The following WWOX variants were observed in gnomAD, a reference collection of about 807,000 sequenced individuals.
The protein encoded by WWOX is WW domain containing oxidoreductase, also known as WW domain-containing oxidoreductase.
In WWOX, 69 loss-of-function variants were observed where a neutral mutation model predicts 46.2. The observed-to-expected ratio is 1.49, with a 90% CI of 1.23 to 1.82. WWOX has a LOEUF of 1.82. Among genes scored for constraint, WWOX ranks in the 40% most tolerant of loss-of-function variants. The probability of loss-of-function intolerance (pLI) is 0.00; values close to 1 mark genes in which losing one functional copy is unlikely to be tolerated. For missense variants in WWOX, 919 were observed against 542.6 expected (o/e 1.69, Z -6.89); for synonymous variants, 359 against 202.6 (o/e 1.77, Z -6.56).
At chr16:78,333,043 CTTTTTTT>C (rs11289222) in intron 5 of WWOX, among the ~76,000 whole-genome samples, 7,655 of 57,410 alleles carry the variant, frequency 0.13, 473 homozygotes, top group East Asian at 0.22. Flanking sequence ...GAGCATTATA[CTTTTTTT>C]TTTTTTTTTT....
intron 5 of WWOX, among the ~76,000 whole-genome samples, chr16:78,296,010 A>T (rs887088361): frequency 6.6e-6 from 1 of 152,224 alleles, no homozygotes; most frequent in African/African-American, 2.4e-5. Context: ...TTGGGTCATC[A>T]CTAGGGTAGA....
intron 5 of WWOX, among the ~76,000 whole-genome samples, chr16:78,321,328 G>GTATATATGCGTA (rs1555519153): frequency 3.0e-5 from 2 of 66,306 alleles, no homozygotes; most frequent in South Asian, 4.3e-4. Context: ...ATATATATAC[G>GTATATATGCGTA]TATATATGCG....
chr16:78,546,954 CTA>C, intron 8 of WWOX, among the ~76,000 whole-genome samples: 2 of 151,692 alleles, frequency 1.3e-5, no homozygotes. Flanking sequence ...TGGTGAAACC[CTA>C]CCTCTACAAA....
At chr16:78,610,319 T>C (rs991681472) in intron 8 of WWOX, among the ~76,000 whole-genome samples, 2 of 152,048 alleles carry the variant, frequency 1.3e-5, no homozygotes, top group Non-Finnish European at 2.9e-5. Flanking sequence ...AACCTATCCA[T>C]AGAGGGGGAA....
chr16:78,382,364 G>C (rs1405228803), intron 5 of WWOX, among the ~76,000 whole-genome samples: 2 of 152,212 alleles, frequency 1.3e-5, no homozygotes, highest in African/African-American at 4.8e-5. Flanking sequence ...CGTAGAGGCT[G>C]GCAGTGTTAC....
At chr16:78,615,468 G>GCA (rs1458504074) in intron 8 of WWOX, among the ~76,000 whole-genome samples, 2 of 152,014 alleles carry the variant, frequency 1.3e-5, no homozygotes, top group Non-Finnish European at 2.9e-5. Context: ...GGGCAGCATA[G>GCA]CACGACCCAT....
At chr16:78,928,900 T>C (rs1410519448) in intron 8 of WWOX, among the ~76,000 whole-genome samples, 1 of 152,194 alleles carries the variant, frequency 6.6e-6, no homozygotes, top group South Asian at 2.1e-4. Flanking sequence ...ATTTACAGTA[T>C]TTTCCCCTAA....
chr16:79,145,002 A>G lies in WWOX; in HGVS notation c.1057-66606A>G, dbSNP rs1050071538. ...AGGCATCTACTGGGGGTCTTGGAGT[A>G]TATCCCCTGTGCAGAAGCGGAGGCT... On this transcript the variant is annotated intron_variant, in intron 8 of 8. Transcript: ENST00000566780. Among the ~76,000 whole-genome samples the G allele has an allele frequency of 4.6e-5, 7 of 152,158 alleles. No individual in the cohort carries two copies. The East Asian group carries it at 1.2e-3, about 25-fold the overall frequency.
chr16:79,050,041 G>C (rs1052039471), intron 8 of WWOX, among the ~76,000 whole-genome samples: 2 of 152,104 alleles, frequency 1.3e-5, no homozygotes, highest in Non-Finnish European at 2.9e-5. Flanking sequence ...TGGAATGGGA[G>C]GAGTTTAAAC....
chr16:79,094,341 A>T (rs778775581), intron 8 of WWOX, among the ~76,000 whole-genome samples: 3 of 151,370 alleles, frequency 2.0e-5, no homozygotes, highest in Non-Finnish European at 2.9e-5. Flanking sequence ...GCAAACTCCA[A>T]CTGGTTCAAG....
At chr16:78,400,241 C>G (rs1039053626) in intron 6 of WWOX, among the ~76,000 whole-genome samples, 2 of 152,136 alleles carry the variant, frequency 1.3e-5, no homozygotes, top group Admixed American at 6.6e-5. Flanking sequence ...GAAAAGGTCT[C>G]TGTTTGTCTC....
At chr16:78,700,308 T>TAGAGAGAGAG (rs1567500425) in intron 8 of WWOX, among the ~76,000 whole-genome samples, 1 of 99,416 alleles carries the variant, frequency 1.0e-5, no homozygotes, top group African/African-American at 4.2e-5. Context: ...CCTCACTTAG[T>TAGAGAGAGAG]AGACAGAGAG....
intron 5 of WWOX, among the ~76,000 whole-genome samples, chr16:78,293,720 G>A (rs1049177964): frequency 6.6e-6 from 1 of 152,094 alleles, no homozygotes; most frequent in African/African-American, 2.4e-5. Context: ...CCTCAGGCCT[G>A]TAATCCCAGC....
At chr16:78,756,795 G>T (rs532360313) in intron 8 of WWOX, 2 of 519,980 alleles carry the variant, frequency 3.8e-6, no homozygotes, top group South Asian at 6.6e-5. Context: ...TGGTAGCCAT[G>T]TCTCAGCATA....
At chr16:78,606,468 G>T (rs549710418) in intron 8 of WWOX, among the ~76,000 whole-genome samples, 2 of 151,562 alleles carry the variant, frequency 1.3e-5, no homozygotes, top group East Asian at 3.9e-4. Flanking sequence ...AAAAAAAAAA[G>T]GGTGCTTGAT....
At chr16:78,912,438 A>G (rs770633395) in intron 8 of WWOX, among the ~76,000 whole-genome samples, 3 of 151,938 alleles carry the variant, frequency 2.0e-5, no homozygotes, top group Admixed American at 6.6e-5. Flanking sequence ...ATGGCAGCTC[A>G]AGGGGTTTTT....
At chr16:78,392,175 G>A (rs917543436) in intron 6 of WWOX, among the ~76,000 whole-genome samples, 2 of 152,070 alleles carry the variant, frequency 1.3e-5, no homozygotes, top group Non-Finnish European at 2.9e-5. Flanking sequence ...AGCTGCGTCT[G>A]TGCTTAGAGC....
At chr16:78,841,692 G>A (rs549678968) in intron 8 of WWOX, among the ~76,000 whole-genome samples, 21 of 152,208 alleles carry the variant, frequency 1.4e-4, no homozygotes, top group African/African-American at 4.3e-4. Context: ...AACATTAGAC[G>A]ATTTCATTTT....
At chr16:78,126,858 AT>A (rs1381481469) in intron 4 of WWOX, among the ~76,000 whole-genome samples, 2 of 152,212 alleles carry the variant, frequency 1.3e-5, no homozygotes, top group African/African-American at 2.4e-5. Context: ...AGTAGGCAAG[AT>A]TTGATTACTT....
Sources: allele counts gnomAD v4.1 joint callset (sites outside exome capture counted in the v4.1 genomes callset), GRCh38; gene constraint gnomAD v4.1.1; transcripts MANE v1.5; gene names NCBI Gene and HGNC (gene_info 2026-07-23, HGNC 2026-07-21).